The following ADGRB3 variants were observed in gnomAD, a reference collection of about 807,000 sequenced individuals.
The protein encoded by ADGRB3 is adhesion G protein-coupled receptor B3, also known as brain-specific angiogenesis inhibitor 3.
Under a neutral mutation model 193.4 loss-of-function variants are expected in ADGRB3, and 37 were observed. That is an observed-to-expected ratio of 0.19 (90% CI 0.15 to 0.25). ADGRB3 has a LOEUF of 0.25. ADGRB3 is among the 10% of genes least tolerant of loss of function. ADGRB3 has a pLI of 1.00. For synonymous variants in ADGRB3, 690 were observed against 644.2 expected, an observed-to-expected ratio of 1.07 and a Z score of -1.08; for missense variants, 1,637 against 1,852.9, an observed-to-expected ratio of 0.88 and a Z score of 2.14.
intron 12 of ADGRB3, among the ~76,000 whole-genome samples, chr6:69,016,407 A>G (rs1198832688): frequency 1.3e-5 from 2 of 151,982 alleles, no homozygotes; most frequent in African/African-American, 4.8e-5. Context: ...TTACATAGCC[A>G]AACAGTGTCC....
At chr6:69,271,279 G>A (rs977358699) in intron 20 of ADGRB3, among the ~76,000 whole-genome samples, 2 of 152,104 alleles carry the variant, frequency 1.3e-5, no homozygotes, top group Non-Finnish European at 2.9e-5. Context: ...ATATATATAA[G>A]ATATTTTCAA....
At chr6:69,203,451 G>T (rs906031261) in intron 17 of ADGRB3, among the ~76,000 whole-genome samples, 5 of 146,908 alleles carry the variant, frequency 3.4e-5, no homozygotes, top group African/African-American at 5.0e-5. Context: ...CATTGTTTTT[G>T]TTTTTTTTTT....
intron 17 of ADGRB3, among the ~76,000 whole-genome samples, chr6:69,212,163 C>A (rs1765681736): frequency 6.6e-6 from 1 of 152,122 alleles, no homozygotes; most frequent in Admixed American, 6.6e-5. Flanking sequence ...AACAGTACAG[C>A]ATTCGAAAAA....
chr6:68,908,286 G>A (rs1766604511), intron 3 of ADGRB3, among the ~76,000 whole-genome samples: 1 of 151,578 alleles, frequency 6.6e-6, no homozygotes, highest in South Asian at 2.1e-4. Flanking sequence ...TATCTTTTTG[G>A]AAATGGTTTG....
chr6:69,174,798 T>C (rs1775379595), intron 17 of ADGRB3, among the ~76,000 whole-genome samples: 1 of 152,230 alleles, frequency 6.6e-6, no homozygotes, highest in Non-Finnish European at 1.5e-5. Flanking sequence ...ATAATAGCTA[T>C]TCTGACTGGC....
At chr6:69,292,600 T>G in intron 20 of ADGRB3, among the ~76,000 whole-genome samples, 1 of 152,188 alleles carries the variant, frequency 6.6e-6, no homozygotes, top group East Asian at 1.9e-4. Flanking sequence ...AAACTACATT[T>G]GTCAGACTCT....
At chr6:69,047,666 A>G (rs955514090) in intron 13 of ADGRB3, among the ~76,000 whole-genome samples, 2 of 152,176 alleles carry the variant, frequency 1.3e-5, no homozygotes, top group Middle Eastern at 6.8e-3. Flanking sequence ...TGACAGTTCT[A>G]TCTCCCAAAG....
At chr6:68,956,509 G>A in intron 7 of ADGRB3, 136 bp from the exon 8 acceptor site, 2 of 1,198,494 alleles carry the variant, frequency 1.7e-6, no homozygotes, top group Non-Finnish European at 1.2e-6. Flanking sequence ...TGACCTGTAA[G>A]TTAAATATTT....
Position 69,354,238 on chromosome 6 carries a change from G to A in ADGRB3, c.3465G>A (p.Gln1155=). The part of the protein sequence containing the change: ...MVHCILRREV[Q]DAFRCRLRNC... The stretch of plus-strand genomic sequence containing the variant: ...TGTGTTCCCCCTCCCCACAGGTTCA[G>A]GATGCATTTAGATGCCGATTGAGAA... The change falls in exon 27 of 32, where the codon CAG becomes CAA. Residue 1155 remains glutamine, a synonymous_variant. Coordinates refer to ENST00000370598, the MANE Select transcript of ADGRB3 (RefSeq NM_001704.3). 6.2e-7 allele frequency: 1 copy of A among 1,613,282 alleles called. No individual in the cohort carries two copies. Among genetic ancestry groups the A allele is most frequent in the East Asian group, 2.2e-5 (1 of 44,862 alleles).
chr6:68,984,703 G>T (rs1200256081), intron 10 of ADGRB3, among the ~76,000 whole-genome samples: 5 of 151,942 alleles, frequency 3.3e-5, no homozygotes, highest in Admixed American at 6.6e-5. Context: ...ATTTAGAAGA[G>T]AAACATGAAA....
intron 20 of ADGRB3, among the ~76,000 whole-genome samples, chr6:69,269,161 C>G (rs971490380): frequency 5.9e-5 from 9 of 152,052 alleles, no homozygotes; most frequent in African/African-American, 1.9e-4. Flanking sequence ...TGTTAAATAT[C>G]TTGCCCAAGG....
chr6:68,989,982 G>C (rs893599971), intron 10 of ADGRB3, among the ~76,000 whole-genome samples: 5 of 151,888 alleles, frequency 3.3e-5, no homozygotes, highest in African/African-American at 1.2e-4. Flanking sequence ...AGAAGGGATT[G>C]GATGGGATTC....
At chr6:69,040,710 C>CA (rs1169004559) in intron 13 of ADGRB3, among the ~76,000 whole-genome samples, 12 of 50,624 alleles carry the variant, frequency 2.4e-4, no homozygotes, top group African/African-American at 1.0e-3. Context: ...AAAAAAAAAA[C>CA]AAACAAGAAT....
chr6:68,733,300 A>G (rs1168287005), intron 3 of ADGRB3, among the ~76,000 whole-genome samples: 2 of 149,974 alleles, frequency 1.3e-5, no homozygotes, highest in Non-Finnish European at 3.0e-5. Flanking sequence ...ATATATAGGA[A>G]TACTATGCAG....
At chr6:68,861,951 G>GTAT (rs1582263258) in intron 3 of ADGRB3, among the ~76,000 whole-genome samples, 1 of 152,040 alleles carries the variant, frequency 6.6e-6, no homozygotes, top group East Asian at 1.9e-4. Flanking sequence ...TTAGTTTATG[G>GTAT]TATTTTTAAC....
intron 20 of ADGRB3, among the ~76,000 whole-genome samples, chr6:69,241,952 C>A (rs192179557): frequency 4.6e-5 from 7 of 151,922 alleles, no homozygotes; most frequent in African/African-American, 1.7e-4. Context: ...TCTTACAAGC[C>A]TGGGACAATT....
At chr6:69,062,588 T>G (rs543439948) in intron 15 of ADGRB3, among the ~76,000 whole-genome samples, 2 of 152,024 alleles carry the variant, frequency 1.3e-5, no homozygotes, top group East Asian at 3.9e-4. Flanking sequence ...TAGGTCCTCC[T>G]TGATATAAAT....
Position 69,220,699 on chromosome 6 carries a change from C to T in ADGRB3, c.2481-12591C>T, listed in dbSNP as rs114965281. 7.5e-3 allele frequency among the ~76,000 whole-genome samples: 1,140 copies of T among 152,174 alleles called. 11 individuals are homozygous for T. Among genetic ancestry groups the T allele is most frequent in the African/African-American group, 0.025 (1,056 of 41,524 alleles). On this transcript the variant is annotated intron_variant, in intron 17 of 31. Transcript: ENST00000370598. ...TCACTGCTCATTAAAATGTTAATTA[C>T]GCCATTGAGGGTTCAGCGCTGCCCT...
intron 3 of ADGRB3, among the ~76,000 whole-genome samples, chr6:68,652,553 T>G (rs1469190587): frequency 6.6e-6 from 1 of 152,108 alleles, no homozygotes; most frequent in Non-Finnish European, 1.5e-5. Context: ...TCCTGCAAAT[T>G]AGCTTACTCC....
Sources: gnomAD v4.1 joint callset for allele counts (sites outside exome capture counted in the v4.1 genomes callset) on GRCh38, gnomAD v4.1.1 for gene constraint, MANE v1.5 for transcripts, NCBI Gene and HGNC (gene_info 2026-07-23, HGNC 2026-07-21) for gene names.